AIMP1: variants seen among roughly 807,000 people sequenced by gnomAD.
The protein encoded by AIMP1 is aminoacyl tRNA synthase complex-interacting multifunctional protein 1.
In AIMP1, 24 loss-of-function variants were observed where a neutral mutation model predicts 33.1. The observed-to-expected ratio is 0.73, with a 90% confidence interval of 0.53 to 1.02. The LOEUF (loss-of-function observed/expected upper bound fraction) is 1.02, where lower values mean the gene tolerates loss of function less well. AIMP1 is among the 50% of genes least tolerant of loss of function. The pLI is 0.00. For missense variants in AIMP1, 367 were observed against 364.8 expected, an observed-to-expected ratio of 1.01 and a Z score of -0.05; for synonymous variants, 120 against 121.5, an observed-to-expected ratio of 0.99 and a Z score of 0.08.
chr4:106,319,439 T>C (rs944615705), intron 1 of AIMP1, among the ~76,000 whole-genome samples: 15 of 152,210 alleles, frequency 9.9e-5, no homozygotes, highest in Non-Finnish European at 2.1e-4. Context: ...AGAGGCATCG[T>C]ATGATTAATG....
intron 5 of AIMP1, among the ~76,000 whole-genome samples, chr4:106,332,208 C>A (rs914787087): frequency 2.0e-5 from 3 of 151,690 alleles, no homozygotes; most frequent in Admixed American, 1.3e-4. Flanking sequence ...TATTTGAAAT[C>A]TAAGTAACAA....
intron 5 of AIMP1, among the ~76,000 whole-genome samples, chr4:106,332,610 GATAC>G (rs1769722739): frequency 1.4e-5 from 2 of 142,370 alleles, no homozygotes; most frequent in Non-Finnish European, 3.1e-5. Context: ...TATATACAGA[GATAC>G]ATATATATAT....
intron 4 of AIMP1, among the ~76,000 whole-genome samples, chr4:106,329,944 G>A (rs1769611143): frequency 6.6e-6 from 1 of 151,818 alleles, no homozygotes; most frequent in Non-Finnish European, 1.5e-5. Flanking sequence ...CGCCATGCCT[G>A]GCTAATTTTT....
At chr4:106,326,694 A>G (rs552911231) in intron 2 of AIMP1, among the ~76,000 whole-genome samples, 1 of 152,222 alleles carries the variant, frequency 6.6e-6, no homozygotes, top group Non-Finnish European at 1.5e-5. Flanking sequence ...GTAACATCTC[A>G]GAATTTTTTT....
intron 5 of AIMP1, among the ~76,000 whole-genome samples, chr4:106,332,995 C>T (rs1488821674): frequency 6.6e-6 from 1 of 152,064 alleles, no homozygotes; most frequent in Non-Finnish European, 1.5e-5. Context: ...CTTAAAAATT[C>T]AGAACTAAGC....
At chr4:106,331,651 C>A in intron 4 of AIMP1, 21 bp from the exon 5 acceptor site, 1 of 1,600,418 alleles carries the variant, frequency 6.2e-7, no homozygotes, top group Non-Finnish European at 8.6e-7. Context: ...TGATGTTTAC[C>A]CATTCATAAA....
intron 6 of AIMP1, 46 bp from the exon 7 acceptor site, chr4:106,347,480 G>C: frequency 6.4e-7 from 1 of 1,553,738 alleles, no homozygotes; most frequent in Non-Finnish European, 8.8e-7. Context: ...TAATATTTTT[G>C]TATATTAGCT....
At chr4:106,345,479 G>A (rs1770260758) in intron 6 of AIMP1, among the ~76,000 whole-genome samples, 1 of 152,106 alleles carries the variant, frequency 6.6e-6, no homozygotes, top group African/African-American at 2.4e-5. Context: ...ATGGATCTAA[G>A]GAGCAATATA....
intron 2 of AIMP1, among the ~76,000 whole-genome samples, chr4:106,325,850 T>A (rs1478520946): frequency 6.6e-6 from 1 of 152,032 alleles, no homozygotes; most frequent in Non-Finnish European, 1.5e-5. Context: ...CATATCTTAA[T>A]CCTATATATA....
At chr4:106,343,016 C>T (rs1474315301) in intron 6 of AIMP1, among the ~76,000 whole-genome samples, 2 of 151,872 alleles carry the variant, frequency 1.3e-5, no homozygotes, top group Non-Finnish European at 1.5e-5. Flanking sequence ...GCCAACCTCC[C>T]ACCTCAGCCT....
At position 106,324,371 on chromosome 4, in the gene AIMP1, G is replaced by A. The variant is rs150341995; in HGVS notation, c.-25-614G>A. On this transcript the variant is annotated intron_variant, in intron 1 of 6. Transcript: ENST00000672341. ...AATGTTTGCTTACATACATTTTTCTGTACCTTGATAGTATTTTTTTAAATT... is the reference window on the plus strand; with the variant it reads ...AATGTTTGCTTACATACATTTTTCTATACCTTGATAGTATTTTTTTAAATT... 1.4e-4 allele frequency among the ~76,000 whole-genome samples: 22 copies of A among 151,802 alleles called. No individual in the cohort carries two copies. In the East Asian group the frequency reaches 4.1e-3, roughly 28 times the overall value.
In AIMP1 at chr4:106,347,919, G is replaced by T. The variant is rs959215286; in HGVS notation, c.*227G>T. The T allele has an allele frequency of 2.8e-6, 1 of 360,840 alleles. No homozygotes were observed. Among genetic ancestry groups the T allele is most frequent in the Non-Finnish European group, 5.0e-6 (1 of 201,620 alleles). The allele number at this position is 360,840 out of a possible 1,614,324, so 22.4% of individuals were successfully genotyped here. A position where few individuals can be genotyped will look rare whatever the true frequency, so the allele number is the denominator to read the frequency against. ...GGAGAGAGGAAGTTGCCTATGTTTT[G>T]TAATAATTTATTTTTTAGCAGGAAT... On this transcript the variant is annotated 3_prime_UTR_variant, in exon 7 of 7. Coordinates refer to ENST00000672341, the MANE Select transcript of AIMP1 (RefSeq NM_001142416.2).
intron 6 of AIMP1, among the ~76,000 whole-genome samples, chr4:106,345,451 A>G (rs1770259376): frequency 6.6e-6 from 1 of 152,190 alleles, no homozygotes; most frequent in Non-Finnish European, 1.5e-5. Flanking sequence ...TGATTTACAA[A>G]CAAAAAATAA....
At chr4:106,340,757 G>A (rs1770066195) in intron 6 of AIMP1, among the ~76,000 whole-genome samples, 1 of 152,146 alleles carries the variant, frequency 6.6e-6, no homozygotes, top group African/African-American at 2.4e-5. Flanking sequence ...ACTTACAAGT[G>A]TATTTGTCTT....
intron 2 of AIMP1, among the ~76,000 whole-genome samples, chr4:106,326,232 TG>T (rs1371580111): frequency 1.1e-4 from 17 of 152,206 alleles, no homozygotes; most frequent in Admixed American, 1.0e-3. Flanking sequence ...AAAAACACTT[TG>T]TGTTTATATA....
At chr4:106,329,868 C>T (rs1353139501) in intron 4 of AIMP1, among the ~76,000 whole-genome samples, 1 of 147,104 alleles carries the variant, frequency 6.8e-6, no homozygotes. Flanking sequence ...TCACTGCAAC[C>T]TCCACCTCCC....
intron 2 of AIMP1, among the ~76,000 whole-genome samples, chr4:106,325,981 A>G (rs949032689): frequency 1.2e-4 from 18 of 152,154 alleles, no homozygotes; most frequent in Non-Finnish European, 2.9e-5. Flanking sequence ...CACATGCCCC[A>G]TGATTCACAT....
At chr4:106,341,304 A>T (rs2125928060) in intron 6 of AIMP1, among the ~76,000 whole-genome samples, 1 of 152,110 alleles carries the variant, frequency 6.6e-6, no homozygotes, top group East Asian at 1.9e-4. Context: ...GCTTTTGGAG[A>T]CTTCGTCATA....
intron 1 of AIMP1, among the ~76,000 whole-genome samples, chr4:106,319,685 T>A (rs1769123843): frequency 6.6e-6 from 1 of 152,230 alleles, no homozygotes; most frequent in Non-Finnish European, 1.5e-5. Flanking sequence ...TATTTTCAAT[T>A]ACTGTGCATG....
Sources: gnomAD v4.1 joint callset for allele counts (sites outside exome capture counted in the v4.1 genomes callset) on GRCh38, gnomAD v4.1.1 for gene constraint, MANE v1.5 for transcripts, NCBI Gene and HGNC (gene_info 2026-07-23, HGNC 2026-07-21) for gene names.